Variants in TRAPPC9 observed in about 807,000 individuals in gnomAD.
The protein encoded by TRAPPC9 is IKK2 binding protein.
TRAPPC9 carries 83 observed loss-of-function variants against 124.0 expected under a neutral mutation model. That is an observed-to-expected ratio of 0.67 (90% confidence interval 0.56 to 0.80). TRAPPC9 has a LOEUF of 0.80. TRAPPC9 is among the 30% of genes least tolerant of loss of function. The pLI, the probability that TRAPPC9 is intolerant of heterozygous loss-of-function variation, is 0.00. For synonymous variants in TRAPPC9, 638 were observed against 617.5 expected (o/e 1.03, Z -0.49); for missense variants, 1,302 against 1,508.3 (o/e 0.86, Z 2.27).
At chr8:140,410,406 T>C (rs2069662880) in intron 5 of TRAPPC9, among the ~76,000 whole-genome samples, 1 of 151,892 alleles carries the variant, frequency 6.6e-6, no homozygotes, top group African/African-American at 2.4e-5. Flanking sequence ...CATGGTGGCA[T>C]GCGCCTGTAG....
In TRAPPC9 at chr8:140,182,297, G is replaced by C. The variant is rs1430909590; in HGVS notation, c.2556+39162C>G. ...AAGCCTGCCTTTCCCTAAGACCTTGGTCTATTCAACTGTTTTCTACATATT... is the reference window on the plus strand; with the variant it reads ...AAGCCTGCCTTTCCCTAAGACCTTGCTCTATTCAACTGTTTTCTACATATT... On this transcript the variant is annotated intron_variant, in intron 17 of 22. Coordinates refer to ENST00000438773, the MANE Select transcript of TRAPPC9 (RefSeq NM_001160372.4). This position sits in a 1 kb window ranked among gnomAD's most constrained non-coding sequence, Gnocchi z 4.0. Among the ~76,000 whole-genome samples the C allele has an allele frequency of 6.6e-6, 1 of 151,352 alleles. No homozygotes were observed.
intron 18 of TRAPPC9, among the ~76,000 whole-genome samples, chr8:140,005,352 A>C (rs1243714406): frequency 6.6e-6 from 1 of 152,120 alleles, no homozygotes; most frequent in Admixed American, 6.5e-5. Flanking sequence ...TGAAATCTCT[A>C]TGGGGAAGGA....
chr8:140,117,718 T>C (rs1053779154), intron 17 of TRAPPC9, among the ~76,000 whole-genome samples: 17 of 152,178 alleles, frequency 1.1e-4, no homozygotes, highest in Non-Finnish European at 1.9e-4. Flanking sequence ...TATTTAGTGC[T>C]GAGCAGTGAA....
At chr8:139,883,466 C>T (rs552630873) in intron 21 of TRAPPC9, among the ~76,000 whole-genome samples, 7 of 152,352 alleles carry the variant, frequency 4.6e-5, no homozygotes, top group African/African-American at 7.2e-5. Context: ...AGAGCCTTCA[C>T]GCCTCCCGGC....
At chr8:140,452,262 T>C (rs943765150) in intron 1 of TRAPPC9, among the ~76,000 whole-genome samples, 7 of 148,650 alleles carry the variant, frequency 4.7e-5, no homozygotes, top group African/African-American at 1.7e-4. Context: ...TTACTAAAAA[T>C]ACAAAAAATT....
At chr8:140,340,742 C>G (rs1291696057) in intron 9 of TRAPPC9, among the ~76,000 whole-genome samples, 1 of 152,218 alleles carries the variant, frequency 6.6e-6, no homozygotes, top group Non-Finnish European at 1.5e-5. Flanking sequence ...GCATCATCGT[C>G]CCCTTCCTAC....
intron 6 of TRAPPC9, among the ~76,000 whole-genome samples, chr8:140,398,595 G>A (rs1309181038): frequency 2.0e-5 from 3 of 152,166 alleles, no homozygotes; most frequent in African/African-American, 7.2e-5. Flanking sequence ...GGAGATTTGT[G>A]GAACTCTGAA....
chr8:139,850,037 G>C (rs573819631), intron 21 of TRAPPC9, among the ~76,000 whole-genome samples: 1 of 152,156 alleles, frequency 6.6e-6, no homozygotes, highest in African/African-American at 2.4e-5. Flanking sequence ...TCAGCTCCCA[G>C]GAACACTTGA....
intron 9 of TRAPPC9, among the ~76,000 whole-genome samples, chr8:140,341,498 G>A (rs1243933687): frequency 6.6e-6 from 1 of 152,116 alleles, no homozygotes; most frequent in East Asian, 1.9e-4. Flanking sequence ...GAACCTGGGC[G>A]GGAACTTTCT....
intron 17 of TRAPPC9, among the ~76,000 whole-genome samples, chr8:140,111,998 A>G (rs1035556132): frequency 7.2e-5 from 11 of 152,272 alleles, no homozygotes; most frequent in African/African-American, 2.2e-4. Flanking sequence ...TGTTTCATAA[A>G]ATATTCACAG....
intron 20 of TRAPPC9, among the ~76,000 whole-genome samples, chr8:139,891,284 G>A (rs966652890): frequency 1.3e-5 from 2 of 152,242 alleles, no homozygotes; most frequent in African/African-American, 4.8e-5. Flanking sequence ...AATCTCATCA[G>A]CAAAGATTAA....
Position 140,360,134 on chromosome 8 carries a change from A to G in TRAPPC9, c.1411T>C (p.Ser471Pro). The change falls in exon 9 of 23, where the codon TCC becomes CCC. Residue 471 changes from serine to proline, a missense_variant. This residue lies in a region of TRAPPC9 where 657 missense variants were observed against 811.2 expected (regional missense o/e 0.81). Transcript: ENST00000438773. Reference sequence around the variant, plus strand: ...AGGGCAGGGTTCCCCATCCTTCGGGAGGCGTAGACCAATTCATGGAGCAAA... The same window carrying G: ...AGGGCAGGGTTCCCCATCCTTCGGGGGGCGTAGACCAATTCATGGAGCAAA... ...MRLLHELVYA[S>P]RRMGNPALSV... The G allele has an allele frequency of 6.2e-7, 1 of 1,614,242 alleles. No homozygotes were observed. Among genetic ancestry groups the G allele is most frequent in the Non-Finnish European group, 8.5e-7 (1 of 1,180,046 alleles).
chr8:140,057,521 C>T (rs1842358830), intron 17 of TRAPPC9, among the ~76,000 whole-genome samples: 1 of 152,148 alleles, frequency 6.6e-6, no homozygotes, highest in Non-Finnish European at 1.5e-5. Flanking sequence ...AAAGAAGAAA[C>T]CCTGCCACAT....
At chr8:139,957,478 C>G (rs939603927) in intron 19 of TRAPPC9, among the ~76,000 whole-genome samples, 1 of 152,212 alleles carries the variant, frequency 6.6e-6, no homozygotes, top group Non-Finnish European at 1.5e-5. Context: ...CACAAGTTGA[C>G]TCTGGGGACC....
intron 19 of TRAPPC9, among the ~76,000 whole-genome samples, chr8:139,971,962 C>T (rs997421536): frequency 8.6e-5 from 13 of 152,004 alleles, no homozygotes; most frequent in Non-Finnish European, 1.3e-4. Context: ...GCTGGGACTA[C>T]AGGCACGCGC....
At chr8:140,214,401 C>A (rs2063141725) in intron 17 of TRAPPC9, among the ~76,000 whole-genome samples, 1 of 152,206 alleles carries the variant, frequency 6.6e-6, no homozygotes, top group Non-Finnish European at 1.5e-5. Flanking sequence ...TTCCAGAGGC[C>A]CTTACACCCC....
rs1286652596 is a variant in TRAPPC9, at chr8:140,212,784, TAAG to T, written c.2556+8672_2556+8674del. 7.9e-5 allele frequency among the ~76,000 whole-genome samples: 12 copies of T among 152,322 alleles called. No homozygotes were observed. The East Asian group carries it at 2.1e-3, about 27-fold the overall frequency. On this transcript the variant is annotated intron_variant, in intron 17 of 22. Coordinates refer to ENST00000438773, the MANE Select transcript of TRAPPC9 (RefSeq NM_001160372.4). ...GGCGTTTTTTTTCTTTTGTCTTTTT[TAAG>T]AAGTTTTTTTTGGCTGGGCATGGTG...
At chr8:140,185,326 C>G (rs1354437447) in intron 17 of TRAPPC9, among the ~76,000 whole-genome samples, 3 of 152,166 alleles carry the variant, frequency 2.0e-5, no homozygotes, top group Non-Finnish European at 4.4e-5. Context: ...CTGGACAGGC[C>G]CACTTGCACA....
Position 140,217,119 on chromosome 8 carries a change from C to T in TRAPPC9, c.2556+4340G>A, listed in dbSNP as rs576530111. Among the ~76,000 whole-genome samples, 111 of 152,282 alleles carry T rather than the reference C, an allele frequency of 7.3e-4. 1 individual carries two copies. The South Asian group carries it at 0.019, about 26-fold the overall frequency. ...TGACTCACAACTGGAGCACAATATA[C>T]GTTGTGCTTTAATTCAGCAAAGAGG... On this transcript the variant is annotated intron_variant, in intron 17 of 22. Transcript: ENST00000438773.
Sources: allele counts gnomAD v4.1 joint callset (sites outside exome capture counted in the v4.1 genomes callset), GRCh38; gene constraint gnomAD v4.1.1; regional missense constraint gnomAD v4.1.1; non-coding constraint Gnocchi (gnomAD v3.1); transcripts MANE v1.5; gene names NCBI Gene and HGNC (gene_info 2026-07-23, HGNC 2026-07-21).